PTPRD: variants seen among roughly 807,000 people sequenced by gnomAD.
PTPRD encodes protein tyrosine phosphatase receptor type D.
In PTPRD, 34 loss-of-function variants were observed where a neutral mutation model predicts 214.5. That is an observed-to-expected ratio of 0.16 (90% CI 0.12 to 0.21). The LOEUF is 0.21. Ranked by LOEUF, PTPRD falls within the 10% of genes least tolerant of loss-of-function variation. PTPRD has a pLI of 1.00. For synonymous variants in PTPRD, 1,128 were observed against 845.7 expected, an observed-to-expected ratio of 1.33 and a Z score of -5.79; for missense variants, 2,545 against 2,398.7, an observed-to-expected ratio of 1.06 and a Z score of -1.27.
At chr9:8,720,060 T>C (rs1370995990) in intron 12 of PTPRD, among the ~76,000 whole-genome samples, 1 of 152,208 alleles carries the variant, frequency 6.6e-6, no homozygotes, top group Non-Finnish European at 1.5e-5. Context: ...AAAGATTTCT[T>C]TGCACATGAT....
At chr9:9,253,727 TTTGTTG>T in intron 9 of PTPRD, among the ~76,000 whole-genome samples, 2 of 152,140 alleles carry the variant, frequency 1.3e-5, no homozygotes, top group African/African-American at 2.4e-5. Context: ...TATTCCTACA[TTTGTTG>T]AGCTTCACTG....
intron 2 of PTPRD, among the ~76,000 whole-genome samples, chr9:10,561,132 G>T (rs537123823): frequency 6.6e-6 from 1 of 152,210 alleles, no homozygotes; most frequent in South Asian, 2.1e-4. Context: ...ATTTTAGATG[G>T]TGTCTAGATT....
chr9:9,233,592 T>C (rs2099964555), intron 9 of PTPRD, among the ~76,000 whole-genome samples: 2 of 152,222 alleles, frequency 1.3e-5, no homozygotes, highest in African/African-American at 4.8e-5. Flanking sequence ...AAGTCTCTTC[T>C]GCCTATTAGC....
At chr9:9,931,981 C>G (rs1236268663) in intron 5 of PTPRD, among the ~76,000 whole-genome samples, 6 of 152,034 alleles carry the variant, frequency 3.9e-5, no homozygotes, top group Admixed American at 1.3e-4. Context: ...ACACCTCACA[C>G]AGCAGAGTAC....
intron 12 of PTPRD, among the ~76,000 whole-genome samples, chr9:8,705,811 A>T (rs1417608324): frequency 6.6e-6 from 1 of 152,260 alleles, no homozygotes; most frequent in African/African-American, 2.4e-5. Flanking sequence ...CTGATATAGT[A>T]AAGGCAATTC....
intron 12 of PTPRD, among the ~76,000 whole-genome samples, chr9:8,719,979 A>G (rs1295141499): frequency 6.6e-6 from 1 of 152,216 alleles, no homozygotes; most frequent in Non-Finnish European, 1.5e-5. Context: ...CTTCATTTTG[A>G]TAACAGTAAT....
chr9:8,928,402 G>C (rs1346106352), intron 11 of PTPRD, among the ~76,000 whole-genome samples: 1 of 152,104 alleles, frequency 6.6e-6, no homozygotes, highest in East Asian at 1.9e-4. Context: ...AAGGGGTCCA[G>C]TTTCAGTTTT....
At chr9:10,333,212 C>T (rs967157568) in intron 3 of PTPRD, among the ~76,000 whole-genome samples, 1 of 151,724 alleles carries the variant, frequency 6.6e-6, no homozygotes, top group Non-Finnish European at 1.5e-5. Context: ...TGCAGTTTGC[C>T]TAAGGCGTCA....
intron 10 of PTPRD, among the ~76,000 whole-genome samples, chr9:9,125,853 T>A (rs1369193549): frequency 6.6e-6 from 1 of 152,134 alleles, no homozygotes; most frequent in Non-Finnish European, 1.5e-5. Context: ...GGGGTAAAGT[T>A]GTTTTAGGCT....
At chr9:10,592,223 A>T (rs141896197) in intron 2 of PTPRD, among the ~76,000 whole-genome samples, 1,537 of 152,134 alleles carry the variant, frequency 0.01, 10 homozygotes, top group Non-Finnish European at 0.016. Flanking sequence ...GTTAATGGAA[A>T]GGAGCTGTGA....
intron 11 of PTPRD, among the ~76,000 whole-genome samples, chr9:8,812,381 G>C (rs1050377987): frequency 1.3e-5 from 2 of 152,082 alleles, no homozygotes; most frequent in African/African-American, 4.8e-5. Flanking sequence ...ATTACTTATA[G>C]ACCTAGGAAT....
intron 12 of PTPRD, among the ~76,000 whole-genome samples, chr9:8,690,678 T>C (rs979114099): frequency 6.6e-6 from 1 of 151,904 alleles, no homozygotes; most frequent in Non-Finnish European, 1.5e-5. Context: ...AGTAGGTAAC[T>C]GACAGAGGGG....
At chr9:10,256,721 A>C (rs921641255) in intron 3 of PTPRD, among the ~76,000 whole-genome samples, 5 of 152,134 alleles carry the variant, frequency 3.3e-5, no homozygotes, top group African/African-American at 1.2e-4. Flanking sequence ...GTGTAGGATA[A>C]AATTTTATCT....
chr9:9,549,805 TA>T (rs1209071458), intron 8 of PTPRD, among the ~76,000 whole-genome samples: 1 of 152,026 alleles, frequency 6.6e-6, no homozygotes. Flanking sequence ...AGAATAGTCT[TA>T]AATACAAAAC....
chr9:9,345,441 C>G (rs1300516206), intron 9 of PTPRD, among the ~76,000 whole-genome samples: 1 of 151,958 alleles, frequency 6.6e-6, no homozygotes, highest in Non-Finnish European at 1.5e-5. Flanking sequence ...TGGGAAGTTA[C>G]ACACTAGGAA....
intron 12 of PTPRD, among the ~76,000 whole-genome samples, chr9:8,703,659 C>T (rs1332962136): frequency 6.6e-6 from 1 of 152,102 alleles, no homozygotes; most frequent in African/African-American, 2.4e-5. Context: ...CTGGGGAACC[C>T]AAAGCTTGGG....
intron 37 of PTPRD, among the ~76,000 whole-genome samples, chr9:8,382,637 A>T (rs892328333): frequency 1.3e-5 from 2 of 152,192 alleles, no homozygotes; most frequent in Admixed American, 6.6e-5. Flanking sequence ...GAGAAAACCA[A>T]AAGTGTAGAA....
chr9:8,746,647 A>G (rs1425461966), intron 11 of PTPRD, among the ~76,000 whole-genome samples: 1 of 152,218 alleles, frequency 6.6e-6, no homozygotes, highest in Non-Finnish European at 1.5e-5. Flanking sequence ...ATCTTAAATG[A>G]ACAGCCCATT....
chr9:10,324,677 A>G (rs1454641168), intron 3 of PTPRD, among the ~76,000 whole-genome samples: 1 of 151,988 alleles, frequency 6.6e-6, no homozygotes, highest in Non-Finnish European at 1.5e-5. Context: ...ATCTGCTGTG[A>G]TCTAGGGTAT....
Sources: gnomAD v4.1 joint callset for allele counts (sites outside exome capture counted in the v4.1 genomes callset) on GRCh38, gnomAD v4.1.1 for gene constraint, MANE v1.5 for transcripts, NCBI Gene and HGNC (gene_info 2026-07-23, HGNC 2026-07-21) for gene names.